SUSD1: variants seen among roughly 807,000 people sequenced by gnomAD.
SUSD1 encodes sushi domain-containing protein 1.
A neutral mutation model predicts 86.9 loss-of-function variants in SUSD1; 65 were observed. The ratio of observed to expected loss-of-function variants is 0.75; its 90% CI spans 0.61 to 0.92. The LOEUF is 0.92. Ranked by LOEUF, SUSD1 falls within the 40% of genes least tolerant of loss-of-function variation. SUSD1 has a pLI of 0.00. For missense variants in SUSD1, 850 were observed against 929.7 expected (o/e 0.91, Z 1.11); for synonymous variants, 346 against 350.0 (o/e 0.99, Z 0.13).
At chr9:112,097,213 C>A (rs1190401678) in intron 10 of SUSD1, among the ~76,000 whole-genome samples, 1 of 151,516 alleles carries the variant, frequency 6.6e-6, no homozygotes, top group Non-Finnish European at 1.5e-5. Flanking sequence ...GTAGTCCCAG[C>A]TACTCAAGAG....
chr9:112,115,396 A>G (rs1831269625), intron 6 of SUSD1, among the ~76,000 whole-genome samples: 1 of 152,238 alleles, frequency 6.6e-6, no homozygotes, highest in Non-Finnish European at 1.5e-5. Context: ...AGGGAAAAAT[A>G]GGCAAACTCC....
chr9:112,089,520 G>T (rs1350647907), intron 10 of SUSD1, among the ~76,000 whole-genome samples: 1 of 152,016 alleles, frequency 6.6e-6, no homozygotes, highest in Non-Finnish European at 1.5e-5. Flanking sequence ...GGATATAATA[G>T]TTATGAAAGC....
chr9:112,142,961 CTTTTTTTTTTTTTTTTTTTTTTTT>C (rs529470594), intron 4 of SUSD1, among the ~76,000 whole-genome samples: 7 of 30,216 alleles, frequency 2.3e-4, no homozygotes, highest in South Asian at 4.3e-3. Context: ...TGAATTTTAG[CTTTTTTTTTTTTTTTTTTTTTTTT>C]TTTTTTTTTT....
rs1829687047 is a variant in SUSD1, at chr9:112,079,753, C to T, written c.1566+321G>A. On this transcript the variant is annotated intron_variant, in intron 11 of 16. Transcript: ENST00000374270. ...GAATAGCTGGGATTACAGCTATGCG[C>T]CACTACGCTCGGCTAATTTTTATAT... is the stretch of plus-strand genomic sequence containing the variant. Among the ~76,000 whole-genome samples, 4 of 152,114 alleles carry T rather than the reference C, an allele frequency of 2.6e-5. No individual in the cohort carries two copies. The South Asian group carries it at 8.3e-4, about 32-fold the overall frequency.
At chr9:112,096,921 G>C (rs368687912) in intron 10 of SUSD1, among the ~76,000 whole-genome samples, 1 of 152,200 alleles carries the variant, frequency 6.6e-6, no homozygotes, top group Admixed American at 6.5e-5. Flanking sequence ...TTACTATGCA[G>C]CTGAAAATGT....
intron 5 of SUSD1, among the ~76,000 whole-genome samples, chr9:112,126,946 G>GATAC (rs1831799942): frequency 6.6e-6 from 1 of 152,024 alleles, no homozygotes; most frequent in Non-Finnish European, 1.5e-5. Flanking sequence ...CATGTTAAGG[G>GATAC]GTATTTTCCC....
chr9:112,133,637 C>T (rs182492304), intron 5 of SUSD1, among the ~76,000 whole-genome samples: 17 of 152,268 alleles, frequency 1.1e-4, no homozygotes, highest in African/African-American at 4.1e-4. Flanking sequence ...TGCAAAACAC[C>T]ATTCTGGACA....
intron 12 of SUSD1, among the ~76,000 whole-genome samples, chr9:112,066,647 G>A (rs536964072): frequency 6.6e-6 from 1 of 152,186 alleles, no homozygotes; most frequent in African/African-American, 2.4e-5. Flanking sequence ...CTCCGAGTCC[G>A]TACGTGTTGT....
chr9:112,095,201 G>A (rs996185394), intron 10 of SUSD1, among the ~76,000 whole-genome samples: 3 of 152,276 alleles, frequency 2.0e-5, no homozygotes, highest in African/African-American at 7.2e-5. Flanking sequence ...AATATGTGAG[G>A]AGAACAAAAA....
chr9:112,168,625 G>C (rs1833917974), intron 1 of SUSD1, among the ~76,000 whole-genome samples: 1 of 152,132 alleles, frequency 6.6e-6, no homozygotes, highest in South Asian at 2.1e-4. Context: ...GTACAGTAAA[G>C]AGATGTTCAC....
At chr9:112,153,612 C>CTT (rs373913503) in intron 2 of SUSD1, among the ~76,000 whole-genome samples, 15 of 130,610 alleles carry the variant, frequency 1.1e-4, no homozygotes, top group African/African-American at 2.9e-4. Context: ...ACATACTATA[C>CTT]TTTTTTTTTT....
chr9:112,059,032 T>C (rs981106504), intron 13 of SUSD1, among the ~76,000 whole-genome samples: 2 of 152,180 alleles, frequency 1.3e-5, no homozygotes, highest in African/African-American at 4.8e-5. Flanking sequence ...GACCTCATGA[T>C]CCACCCGCCT....
intron 12 of SUSD1, among the ~76,000 whole-genome samples, chr9:112,064,657 C>T (rs928126822): frequency 1.3e-5 from 2 of 151,414 alleles, no homozygotes; most frequent in Non-Finnish European, 3.0e-5. Flanking sequence ...AGGCGGATCA[C>T]CGGAGGCCAG....
At chr9:112,045,570 A>G (rs531737901) in intron 15 of SUSD1, among the ~76,000 whole-genome samples, 247 of 152,300 alleles carry the variant, frequency 1.6e-3, no homozygotes, top group African/African-American at 5.7e-3. Flanking sequence ...ATGGAAAGCA[A>G]TCTGACCTAA....
intron 13 of SUSD1, among the ~76,000 whole-genome samples, chr9:112,062,667 C>T (rs1828781109): frequency 6.6e-6 from 1 of 152,000 alleles, no homozygotes; most frequent in African/African-American, 2.4e-5. Flanking sequence ...TGTACTCCGG[C>T]CTGTATGATG....
chr9:112,136,426 G>T (rs753999978), intron 5 of SUSD1, among the ~76,000 whole-genome samples: 1 of 152,082 alleles, frequency 6.6e-6, no homozygotes, highest in Non-Finnish European at 1.5e-5. Context: ...TAGAGACAAG[G>T]TCTCACTATG....
At chr9:112,066,599 C>T (rs1434365391) in intron 12 of SUSD1, among the ~76,000 whole-genome samples, 2 of 152,110 alleles carry the variant, frequency 1.3e-5, no homozygotes, top group South Asian at 2.1e-4. Flanking sequence ...CCTGTAATCG[C>T]GAAACTCCCA....
chr9:112,170,710 T>TATATATATATATATATATAG (rs758442726), intron 1 of SUSD1, among the ~76,000 whole-genome samples: 3 of 113,794 alleles, frequency 2.6e-5, no homozygotes, highest in African/African-American at 3.8e-5. Context: ...TATATATATA[T>TATATATATATATATATATAG]AGAGAGAGAG....
In SUSD1 at chr9:112,054,174, T is replaced by C. The variant is rs1828345468; in HGVS notation, c.2110-1736A>G. ...TACAGTAAACAAAACAGTGTGGTAG[T>C]GACATAAAGACAGACATATAGGCCA... On this transcript the variant is annotated intron_variant, in intron 14 of 16. Transcript: ENST00000374270. Among the ~76,000 whole-genome samples the C allele has an allele frequency of 2.6e-5, 4 of 152,150 alleles. No homozygotes were observed. The South Asian group carries it at 8.3e-4, about 32-fold the overall frequency.
Sources: allele counts gnomAD v4.1 joint callset (sites outside exome capture counted in the v4.1 genomes callset), GRCh38; gene constraint gnomAD v4.1.1; transcripts MANE v1.5; gene names NCBI Gene and HGNC (gene_info 2026-07-23, HGNC 2026-07-21).